The following SAP130 variants were observed in gnomAD, a reference collection of about 807,000 sequenced individuals.
SAP130 encodes histone deacetylase complex subunit SAP130.
In SAP130, 16 loss-of-function variants were observed where a neutral mutation model predicts 103.2. The observed-to-expected ratio is 0.16, with a 90% confidence interval of 0.10 to 0.24. The LOEUF is 0.24. Ranked by LOEUF, SAP130 falls within the 10% of genes least tolerant of loss-of-function variation. The pLI is 1.00. For synonymous variants in SAP130, 477 were observed against 497.0 expected, an observed-to-expected ratio of 0.96 and a Z score of 0.53; for missense variants, 990 against 1,359.7, an observed-to-expected ratio of 0.73 and a Z score of 4.28.
At chr2:127,999,262 G>A (rs903985607) in intron 10 of SAP130, among the ~76,000 whole-genome samples, 10 of 152,092 alleles carry the variant, frequency 6.6e-5, no homozygotes, top group Non-Finnish European at 1.2e-4. Flanking sequence ...CAGAGGGGCT[G>A]GAACCCACAC....
intron 14 of SAP130, among the ~76,000 whole-genome samples, chr2:127,985,828 A>G (rs1448136598): frequency 2.0e-5 from 3 of 151,824 alleles, no homozygotes; most frequent in Non-Finnish European, 4.4e-5. Context: ...AGACAGGCAC[A>G]CAAGTGGCTG....
intron 12 of SAP130, among the ~76,000 whole-genome samples, 199 bp downstream of exon 12, chr2:127,992,988 C>T (rs1022313895): frequency 3.9e-5 from 6 of 152,118 alleles, no homozygotes; most frequent in African/African-American, 1.4e-4. Context: ...TAATACTATG[C>T]AAATATCACT....
chr2:128,002,854 T>G (rs1683658952), intron 7 of SAP130, among the ~76,000 whole-genome samples: 1 of 152,186 alleles, frequency 6.6e-6, no homozygotes, highest in Non-Finnish European at 1.5e-5. Flanking sequence ...CCTGGTACAG[T>G]GGCTCACGCT....
intron 4 of SAP130, among the ~76,000 whole-genome samples, chr2:128,015,195 C>T (rs547845187): frequency 3.3e-5 from 5 of 152,284 alleles, no homozygotes; most frequent in South Asian, 2.1e-4. Context: ...CTCTCATCTG[C>T]GATATTACCT....
intron 10 of SAP130, among the ~76,000 whole-genome samples, chr2:127,999,432 T>C (rs1573787299): frequency 6.6e-6 from 1 of 151,718 alleles, no homozygotes; most frequent in African/African-American, 2.4e-5. Context: ...CGAAACCCCA[T>C]CTCTACTAAA....
chr2:127,994,891 G>T (rs977639029), intron 11 of SAP130, among the ~76,000 whole-genome samples: 6 of 152,182 alleles, frequency 3.9e-5, no homozygotes, highest in African/African-American at 1.2e-4. Context: ...CTAATTTACA[G>T]AATTATTTAG....
chr2:128,018,353 C>CCAT (rs1322622908), intron 2 of SAP130, among the ~76,000 whole-genome samples: 20 of 143,240 alleles, frequency 1.4e-4, no homozygotes, highest in African/African-American at 5.4e-4. Flanking sequence ...CCAAAAACCA[C>CCAT]GTTTTTTTGT....
chr2:127,989,687 G>A lies in SAP130; in HGVS notation c.1657C>T (p.Pro553Ser). The A allele has an allele frequency of 1.9e-6, 3 of 1,614,158 alleles. No homozygotes were observed. In the South Asian group the frequency reaches 3.3e-5, roughly 18 times the overall value. Residue 553 changes from proline to serine, a missense_variant, in exon 13 of 21, where the codon CCA (proline) becomes TCA (serine). Physicochemically the swap from Pro to Ser is moderately conservative, Grantham distance 74 (BLOSUM62 -1). This residue lies in a region of SAP130 where 349 missense variants were observed against 384.1 expected (regional missense o/e 0.91). Coordinates refer to ENST00000643581, the MANE Select transcript of SAP130 (RefSeq NM_001330301.2). The surrounding 1 kb of genome is among the most constrained non-coding windows in gnomAD (Gnocchi z 4.6). ...QGIQPAPIGT[P>S]GIQPAPLGTQ... is the part of the protein sequence containing the mutation. ...CCAAGTGGTGCAGGCTGTATCCCTG[G>A]GGTCCCAATGGGGGCCGGCTGGATA...
chr2:127,963,172 ATC>A (rs1280084823), intron 15 of SAP130, among the ~76,000 whole-genome samples: 1 of 152,182 alleles, frequency 6.6e-6, no homozygotes, highest in Non-Finnish European at 1.5e-5. Context: ...CACTTTGCTT[ATC>A]AAGTTTTTTC....
chr2:128,027,239 C>T (rs1685577727), intron 1 of SAP130: 2 of 1,192,200 alleles, frequency 1.7e-6, no homozygotes, highest in Non-Finnish European at 2.1e-6. Flanking sequence ...TGCTGTCCAG[C>T]CCCGCTGGCC....
Position 127,941,869 on chromosome 2 carries a change from G to T in SAP130, c.*137C>A. 1.3e-6 allele frequency: 1 copy of T among 793,128 alleles called. No homozygotes were observed. The allele number at this position is 793,128 out of a possible 1,614,324, so 49.1% of individuals were successfully genotyped here. On this transcript the variant is annotated 3_prime_UTR_variant, in exon 21 of 21. Coordinates refer to ENST00000643581, the MANE Select transcript of SAP130 (RefSeq NM_001330301.2). ...CCTTTCACGCCCTTGGATGTCATGG[G>T]TTCCTCTGCTTTCACACGGGAACTA...
intron 12 of SAP130, among the ~76,000 whole-genome samples, chr2:127,991,599 T>C (rs928396034): frequency 6.6e-6 from 1 of 152,184 alleles, no homozygotes; most frequent in Admixed American, 6.5e-5. Context: ...CCCAAAGTGC[T>C]AGGGTTATAG....
intron 1 of SAP130, among the ~76,000 whole-genome samples, chr2:128,026,703 T>A (rs559631175): frequency 6.6e-6 from 1 of 152,252 alleles, no homozygotes; most frequent in Admixed American, 6.5e-5. Flanking sequence ...GTGATTAGTA[T>A]GTCATAGGAA....
intron 7 of SAP130, among the ~76,000 whole-genome samples, chr2:128,006,686 A>G (rs1302865667): frequency 2.0e-5 from 3 of 152,216 alleles, no homozygotes; most frequent in Non-Finnish European, 4.4e-5. Context: ...AGGCTGAGGT[A>G]GAAGGATCAC....
chr2:127,953,951 A>G lies in SAP130; in HGVS notation c.2422+1035T>C, dbSNP rs1679661476. Among the ~76,000 whole-genome samples, 1 of 152,208 alleles carries G rather than the reference A, an allele frequency of 6.6e-6. No homozygotes were observed. Among genetic ancestry groups the G allele is most frequent in the Non-Finnish European group, 1.5e-5 (1 of 68,042 alleles). ...TCTCCCTTGCTAGAATGTAAGACCTAAGAGGATAAAGCTGCATTTGTCTTA... is the reference window on the plus strand; with the variant it reads ...TCTCCCTTGCTAGAATGTAAGACCTGAGAGGATAAAGCTGCATTTGTCTTA... On this transcript the variant is annotated intron_variant, in intron 16 of 20. Transcript: ENST00000643581. This position sits in a 1 kb window ranked among gnomAD's most constrained non-coding sequence, Gnocchi z 4.0.
intron 16 of SAP130, among the ~76,000 whole-genome samples, chr2:127,952,526 G>A (rs1173672250): frequency 1.3e-5 from 2 of 150,572 alleles, no homozygotes; most frequent in East Asian, 3.9e-4. Flanking sequence ...TAGAACAAAT[G>A]CCTCAAACGT....
chr2:127,966,149 T>G (rs1353021534), intron 15 of SAP130, among the ~76,000 whole-genome samples: 2 of 151,482 alleles, frequency 1.3e-5, no homozygotes, highest in African/African-American at 4.9e-5. Context: ...AAGACCAGCC[T>G]GACCAACATG....
intron 1 of SAP130, chr2:128,027,182 C>T: frequency 5.6e-6 from 7 of 1,243,262 alleles, no homozygotes; most frequent in Non-Finnish European, 7.1e-6. Flanking sequence ...CGGCGATGTG[C>T]TCGGCGGGCG....
rs1370764679 is a variant in SAP130, at chr2:127,941,894, A to G, written c.*112T>C. ...GTTCCTCTGCTTTCACACGGGAACT[A>G]AGGAACACTTCCTTTATTTCAATGT... On this transcript the variant is annotated 3_prime_UTR_variant, in exon 21 of 21. Transcript: ENST00000643581. 3 of 933,408 alleles carry G rather than the reference A, an allele frequency of 3.2e-6. No homozygotes were observed. The highest frequency in any genetic ancestry group is 5.0e-6 in the Non-Finnish European group (3 of 605,478). 57.8% of individuals were successfully genotyped at this position (933,408 alleles called of 1,614,324 possible).
Sources: gnomAD v4.1 joint callset for allele counts (sites outside exome capture counted in the v4.1 genomes callset) on GRCh38, gnomAD v4.1.1 for gene constraint, gnomAD v4.1.1 regional missense constraint, Gnocchi (gnomAD v3.1) non-coding constraint, MANE v1.5 for transcripts, NCBI Gene and HGNC (gene_info 2026-07-23, HGNC 2026-07-21) for gene names.